The following CMSS1 variants were observed in gnomAD, a reference collection of about 807,000 sequenced individuals.
CMSS1 encodes cms1 ribosomal small subunit homolog, also known as protein CMSS1.
Under a neutral mutation model 43.5 loss-of-function variants are expected in CMSS1, and 33 were observed. The observed-to-expected ratio is 0.76, with a 90% confidence interval of 0.57 to 1.01. CMSS1 has a LOEUF of 1.01. CMSS1 is among the 50% of genes least tolerant of loss of function. The probability of loss-of-function intolerance (pLI) is 0.00; values close to 1 mark genes in which losing one functional copy is unlikely to be tolerated. For synonymous variants in CMSS1, 115 were observed against 117.2 expected (o/e 0.98, Z 0.12); for missense variants, 313 against 326.4 (o/e 0.96, Z 0.32).
intron 1 of CMSS1, among the ~76,000 whole-genome samples, chr3:100,134,892 C>T (rs905269481): frequency 6.6e-6 from 1 of 152,146 alleles, no homozygotes; most frequent in Non-Finnish European, 1.5e-5. Flanking sequence ...ATTTGAGAGG[C>T]AATATTGCAT....
chr3:99,987,556 A>C (rs1447476016), intron 1 of CMSS1, among the ~76,000 whole-genome samples: 1 of 151,792 alleles, frequency 6.6e-6, no homozygotes, highest in Non-Finnish European at 1.5e-5. Flanking sequence ...AGAAAGAAAG[A>C]AAAAATATTT....
chr3:99,877,175 A>T (rs1483106367), intron 1 of CMSS1, among the ~76,000 whole-genome samples: 1 of 152,198 alleles, frequency 6.6e-6, no homozygotes, highest in East Asian at 1.9e-4. Flanking sequence ...TAAATTAGGG[A>T]CGTGGCATTC....
chr3:100,029,761 G>A (rs117644702), intron 1 of CMSS1, among the ~76,000 whole-genome samples: 3,022 of 152,240 alleles, frequency 0.02, 77 homozygotes, highest in East Asian at 0.13. Flanking sequence ...TAGACAAACT[G>A]CTACTAAGAG....
intron 1 of CMSS1, among the ~76,000 whole-genome samples, chr3:100,014,895 C>CA (rs1710286273): frequency 4.0e-5 from 1 of 25,008 alleles, no homozygotes; most frequent in African/African-American, 1.8e-4. Flanking sequence ...TTCTTTCTTT[C>CA]TTTTTTTTTT....
At chr3:99,994,542 A>G (rs949315167) in intron 1 of CMSS1, among the ~76,000 whole-genome samples, 8 of 152,246 alleles carry the variant, frequency 5.3e-5, no homozygotes, top group Admixed American at 1.3e-4. Flanking sequence ...ATCTTCTCAG[A>G]ACACAATGGA....
intron 1 of CMSS1, among the ~76,000 whole-genome samples, chr3:99,972,515 C>T (rs1047681996): frequency 4.6e-5 from 7 of 152,186 alleles, no homozygotes; most frequent in African/African-American, 7.2e-5. Flanking sequence ...ATTGGTGACA[C>T]GGCCTCATTT....
At chr3:99,924,236 C>T in intron 1 of CMSS1, 3 of 1,612,496 alleles carry the variant, frequency 1.9e-6, no homozygotes, top group Non-Finnish European at 2.5e-6. Flanking sequence ...TTACCTTTCA[C>T]ATTCCTGTTC....
At chr3:100,005,835 C>T (rs1363896089) in intron 1 of CMSS1, among the ~76,000 whole-genome samples, 23 of 152,278 alleles carry the variant, frequency 1.5e-4, no homozygotes, top group Non-Finnish European at 1.5e-5. Context: ...AAGGAGAGAA[C>T]TTGGAAGAAG....
chr3:99,924,661 G>A (rs1357340274), intron 1 of CMSS1, among the ~76,000 whole-genome samples: 6 of 152,164 alleles, frequency 3.9e-5, no homozygotes, highest in Admixed American at 2.0e-4. Context: ...TGGGATTACA[G>A]GCATGCGCCA....
chr3:99,997,750 ATATT>A (rs889597584), intron 1 of CMSS1, among the ~76,000 whole-genome samples: 3 of 152,244 alleles, frequency 2.0e-5, no homozygotes, highest in African/African-American at 7.2e-5. Flanking sequence ...AAAATAAAGA[ATATT>A]TATGAAAAGA....
At chr3:100,102,798 CAGTGACTA>C (rs1255506022) in intron 1 of CMSS1, among the ~76,000 whole-genome samples, 6 of 152,276 alleles carry the variant, frequency 3.9e-5, no homozygotes, top group African/African-American at 1.4e-4. Context: ...TTTCTGAGAT[CAGTGACTA>C]AATTATATTA....
At chr3:99,825,332 A>G (rs1443837586) in intron 1 of CMSS1, among the ~76,000 whole-genome samples, 3 of 152,210 alleles carry the variant, frequency 2.0e-5, no homozygotes, top group Admixed American at 1.3e-4. Context: ...TCAAAATGCA[A>G]ATAGTATTGA....
chr3:99,998,664 G>A lies in CMSS1; in HGVS notation c.65-148309G>A, dbSNP rs186287513. Among the ~76,000 whole-genome samples the A allele has an allele frequency of 1.8e-4, 27 of 152,258 alleles. 1 individual carries two copies. In the South Asian group the frequency reaches 3.9e-3, roughly 22 times the overall value. The stretch of plus-strand genomic sequence containing the variant: ...TGCAAGCTCCGCCTCCCGGGTTCAC[G>A]CGATTCTCCCGCCTCAGCCTCCCCA... On this transcript the variant is annotated intron_variant, in intron 1 of 9. Transcript: ENST00000421999.
chr3:99,981,076 A>C (rs1709107943), intron 1 of CMSS1, among the ~76,000 whole-genome samples: 2 of 152,162 alleles, frequency 1.3e-5, no homozygotes, highest in African/African-American at 4.8e-5. Context: ...TTTAGAAACA[A>C]AGGACCTCTC....
chr3:99,930,634 A>G (rs573250210), intron 1 of CMSS1: 2 of 888,540 alleles, frequency 2.3e-6, no homozygotes, highest in African/African-American at 1.7e-5. Context: ...AATTCTTTGT[A>G]TATATACTTA....
At chr3:99,974,850 A>G (rs1708923948) in intron 1 of CMSS1, among the ~76,000 whole-genome samples, 1 of 152,242 alleles carries the variant, frequency 6.6e-6, no homozygotes, top group African/African-American at 2.4e-5. Flanking sequence ...ACATTTCCAT[A>G]TTCTCTTTCC....
chr3:99,858,250 G>C (rs1351015555), intron 1 of CMSS1, among the ~76,000 whole-genome samples: 1 of 152,138 alleles, frequency 6.6e-6, no homozygotes, highest in East Asian at 1.9e-4. Flanking sequence ...CGGATCATGA[G>C]GTGAGGAGAT....
At chr3:99,882,971 T>C (rs1041885564) in intron 1 of CMSS1, among the ~76,000 whole-genome samples, 1 of 152,248 alleles carries the variant, frequency 6.6e-6, no homozygotes, top group South Asian at 2.1e-4. Context: ...TAAATTTCTG[T>C]GTTATCATGT....
intron 1 of CMSS1, among the ~76,000 whole-genome samples, chr3:99,907,073 G>A (rs1416725870): frequency 1.3e-5 from 2 of 151,982 alleles, no homozygotes; most frequent in African/African-American, 4.8e-5. Context: ...ATATTTTTGG[G>A]ACTCTTACTG....
Sources: allele counts gnomAD v4.1 joint callset (sites outside exome capture counted in the v4.1 genomes callset), GRCh38; gene constraint gnomAD v4.1.1; transcripts MANE v1.5; gene names NCBI Gene and HGNC (gene_info 2026-07-23, HGNC 2026-07-21).